Variants in RAD18 observed in about 807,000 individuals in gnomAD.
RAD18 encodes RAD18 E3 ubiquitin protein ligase, also known as E3 ubiquitin-protein ligase RAD18.
Under a neutral mutation model 60.4 loss-of-function variants are expected in RAD18, and 47 were observed. That is an observed-to-expected ratio of 0.78 (90% CI 0.62 to 0.99). RAD18 has a LOEUF of 0.99. Ranked by LOEUF, RAD18 falls within the 50% of genes least tolerant of loss-of-function variation. The probability of loss-of-function intolerance (pLI) is 0.00; values close to 1 mark genes in which losing one functional copy is unlikely to be tolerated. For synonymous variants in RAD18, 225 were observed against 195.5 expected, an observed-to-expected ratio of 1.15 and a Z score of -1.26; for missense variants, 640 against 593.3, an observed-to-expected ratio of 1.08 and a Z score of -0.82.
At chr3:8,938,917 A>G (rs1028033544) in intron 6 of RAD18, among the ~76,000 whole-genome samples, 1 of 152,166 alleles carries the variant, frequency 6.6e-6, no homozygotes, top group Non-Finnish European at 1.5e-5. Flanking sequence ...GTGTAACAAT[A>G]GTGGACTAGC....
In RAD18 at chr3:8,947,292, T is replaced by G. The variant is rs749834897; in HGVS notation, c.196-2A>C. 3.1e-6 allele frequency: 5 copies of G among 1,600,920 alleles called. No individual in the cohort carries two copies. Among genetic ancestry groups the G allele is most frequent in the Non-Finnish European group, 4.3e-6 (5 of 1,170,070 alleles). ...TTTCAGATCCGGCTCTGTGACAGTCTAGAAAAAACAAACAACAGATGGAAA... is the reference window on the plus strand; with the variant it reads ...TTTCAGATCCGGCTCTGTGACAGTCGAGAAAAAACAAACAACAGATGGAAA... On this transcript the variant is annotated splice_acceptor_variant, in intron 3 of 12. Transcript: ENST00000264926. LOFTEE classifies it high-confidence loss of function.
rs146817161 is a variant in RAD18 at position 8,948,562 on chromosome 3, G to C, written c.142C>G (p.Leu48Val). 85 of 1,611,386 alleles carry C rather than the reference G, an allele frequency of 5.3e-5. No homozygotes were observed. The African/African-American group carries it at 6.1e-4, about 12-fold the overall frequency. The change falls in exon 3 of 13, where the codon CTC becomes GTC. Residue 48 changes from leucine to valine, a missense_variant. Coordinates refer to ENST00000264926, the MANE Select transcript of RAD18 (RefSeq NM_020165.4). ...IPQCSHNYCS[L>V]CIRKFLSYKT... ...TAGGACAGAAATTTTCTTATACAGA[G>C]AGAGCAGTCTGCAAAACACAAAGTG...
Position 8,943,296 on chromosome 3 carries a change from T to A in RAD18, c.267-1492A>T, listed in dbSNP as rs190118826. The stretch of plus-strand genomic sequence containing the variant: ...CCCAGAGGTAATCCAAAGAATAGCA[T>A]CTCTAGGTAAGGACTTCAAACTATG... On this transcript the variant is annotated intron_variant, in intron 4 of 12. Coordinates refer to ENST00000264926, the MANE Select transcript of RAD18 (RefSeq NM_020165.4). 1.3e-3 allele frequency among the ~76,000 whole-genome samples: 193 copies of A among 150,164 alleles called. 1 individual carries two copies. The highest frequency in any genetic ancestry group is 2.3e-3 in the Admixed American group (34 of 15,104).
intron 7 of RAD18, among the ~76,000 whole-genome samples, chr3:8,932,386 T>C (rs1360247094): frequency 6.6e-6 from 1 of 152,152 alleles, no homozygotes; most frequent in Admixed American, 6.5e-5. Context: ...AATATACAAA[T>C]AGCAAATAAA....
rs1419607362 is a variant in RAD18, at chr3:8,881,177, G to GT, written c.*179dup. ...TTAGAGGCAGGAGGCAACTGACCAA[G>GT]TAAGGATATTTTGTAACATTTTTCC... On this transcript the variant is annotated 3_prime_UTR_variant, in exon 13 of 13. Coordinates refer to ENST00000264926, the MANE Select transcript of RAD18 (RefSeq NM_020165.4). The GT allele has an allele frequency of 8.7e-6, 5 of 573,196 alleles. No homozygotes were observed. In the East Asian group the frequency reaches 9.4e-5, roughly 11 times the overall value. 35.5% of individuals were successfully genotyped at this position (573,196 alleles called of 1,614,324 possible).
At chr3:8,944,900 T>C (rs961315828) in intron 4 of RAD18, among the ~76,000 whole-genome samples, 3 of 152,158 alleles carry the variant, frequency 2.0e-5, no homozygotes, top group Non-Finnish European at 4.4e-5. Context: ...GGCTAAACAA[T>C]AAACTGTAGT....
At chr3:8,947,911 G>C (rs1034679495) in intron 3 of RAD18, among the ~76,000 whole-genome samples, 1 of 152,156 alleles carries the variant, frequency 6.6e-6, no homozygotes, top group Non-Finnish European at 1.5e-5. Context: ...CTACCAGAGA[G>C]GCAAAACTAA....
intron 7 of RAD18, among the ~76,000 whole-genome samples, chr3:8,927,277 G>C (rs987376072): frequency 1.3e-5 from 2 of 152,178 alleles, no homozygotes; most frequent in African/African-American, 4.8e-5. Flanking sequence ...CTCAAAAGAA[G>C]ACATTTATGC....
intron 7 of RAD18, among the ~76,000 whole-genome samples, chr3:8,922,593 G>C (rs1172574202): frequency 1.3e-5 from 2 of 152,228 alleles, no homozygotes; most frequent in Non-Finnish European, 2.9e-5. Flanking sequence ...TGCAGCTTTA[G>C]ATCTGAGAAT....
At chr3:8,942,611 C>T (rs1200525821) in intron 4 of RAD18, among the ~76,000 whole-genome samples, 1 of 152,156 alleles carries the variant, frequency 6.6e-6, no homozygotes, top group African/African-American at 2.4e-5. Flanking sequence ...CCAAGACTTA[C>T]TTTACCCTGG....
At chr3:8,958,892 C>T (rs934924828) in intron 2 of RAD18, 28 bp downstream of exon 2, 26 of 1,574,014 alleles carry the variant, frequency 1.7e-5, no homozygotes, top group Non-Finnish European at 1.9e-5. Context: ...TCGCAATTTA[C>T]TAACTCACAG....
At chr3:8,929,171 G>A (rs2125062285) in intron 7 of RAD18, among the ~76,000 whole-genome samples, 1 of 151,588 alleles carries the variant, frequency 6.6e-6, no homozygotes, top group South Asian at 2.1e-4. Context: ...ACCATAATAA[G>A]CTAAAAAAAG....
At chr3:8,896,550 A>C (rs1207480727) in intron 11 of RAD18, among the ~76,000 whole-genome samples, 1 of 152,224 alleles carries the variant, frequency 6.6e-6, no homozygotes, top group Non-Finnish European at 1.5e-5. Flanking sequence ...TACCTGCCCC[A>C]AAACAGGGGC....
At chr3:8,915,081 G>A (rs1015740114) in intron 7 of RAD18, among the ~76,000 whole-genome samples, 4 of 146,834 alleles carry the variant, frequency 2.7e-5, no homozygotes, top group South Asian at 4.3e-4. Context: ...CCCGGGAGGC[G>A]GAGCTTGCAG....
intron 1 of RAD18, among the ~76,000 whole-genome samples, chr3:8,963,099 C>T (rs1559806852): frequency 1.3e-5 from 2 of 152,326 alleles, no homozygotes; most frequent in Non-Finnish European, 2.9e-5. Context: ...CGCAGAATAG[C>T]TGGTGCCATA....
chr3:8,906,744 A>T (rs1940007561), intron 9 of RAD18, among the ~76,000 whole-genome samples: 1 of 147,828 alleles, frequency 6.8e-6, no homozygotes. Flanking sequence ...CTGTTATTCC[A>T]TCTGGGCTAA....
At chr3:8,932,062 C>T (rs1272589238) in intron 7 of RAD18, among the ~76,000 whole-genome samples, 1 of 152,036 alleles carries the variant, frequency 6.6e-6, no homozygotes, top group East Asian at 1.9e-4. Flanking sequence ...GAAAATAACA[C>T]AGGAGAAATT....
Position 8,913,671 on chromosome 3 carries a change from A to C in RAD18, c.939T>G (p.Arg313=), listed in dbSNP as rs1339230092. 2.5e-6 allele frequency: 4 copies of C among 1,575,034 alleles called. No individual in the cohort carries two copies. The highest frequency in any genetic ancestry group is 3.5e-6 in the Non-Finnish European group (4 of 1,158,848). Residue 313 remains arginine, a synonymous_variant, in exon 8 of 13, where the codon CGT becomes CGG. Coordinates refer to ENST00000264926, the MANE Select transcript of RAD18 (RefSeq NM_020165.4). ...TTTCATTGAGTTTACTAGCTTCAAG[A>C]CGCATCCTAGTCTTCTCTATATTTT... ...EIENIEKTRM[R]LEASKLNESV...
intron 1 of RAD18, among the ~76,000 whole-genome samples, chr3:8,960,552 G>A (rs1023526746): frequency 6.6e-6 from 1 of 152,160 alleles, no homozygotes; most frequent in African/African-American, 2.4e-5. Flanking sequence ...TAAAAAACAT[G>A]CTTTCAAAGA....
Sources: gnomAD v4.1 joint callset for allele counts (sites outside exome capture counted in the v4.1 genomes callset) on GRCh38, gnomAD v4.1.1 for gene constraint, MANE v1.5 for transcripts, NCBI Gene and HGNC (gene_info 2026-07-23, HGNC 2026-07-21) for gene names.